SLCO5A1: variants seen among roughly 807,000 people sequenced by gnomAD.
SLCO5A1 encodes solute carrier organic anion transporter family member 5A1, also known as organic anion transporter polypeptide-related protein 4.
A neutral mutation model predicts 65.1 loss-of-function variants in SLCO5A1; 39 were observed. The ratio of observed to expected loss-of-function variants is 0.60; its 90% CI spans 0.46 to 0.78. The LOEUF (loss-of-function observed/expected upper bound fraction) is 0.78, where lower values mean the gene tolerates loss of function less well. SLCO5A1 is among the 30% of genes least tolerant of loss of function. The probability of loss-of-function intolerance (pLI) is 0.00; values close to 1 mark genes in which losing one functional copy is unlikely to be tolerated. For missense variants in SLCO5A1, 1,029 were observed against 1,069.4 expected, an observed-to-expected ratio of 0.96 and a Z score of 0.53; for synonymous variants, 438 against 415.7, an observed-to-expected ratio of 1.05 and a Z score of -0.65.
chr8:69,741,798 G>A (rs1238790310), intron 4 of SLCO5A1, among the ~76,000 whole-genome samples: 2 of 152,190 alleles, frequency 1.3e-5, no homozygotes, highest in South Asian at 2.1e-4. Flanking sequence ...AAAGTTAATG[G>A]ATATACAAAG....
intron 5 of SLCO5A1, among the ~76,000 whole-genome samples, chr8:69,710,662 T>G (rs2130815627): frequency 6.6e-6 from 1 of 152,312 alleles, no homozygotes; most frequent in South Asian, 2.1e-4. Context: ...TACTACAGCC[T>G]CAGGATAACA....
intron 6 of SLCO5A1, among the ~76,000 whole-genome samples, chr8:69,698,255 A>G (rs1276067868): frequency 6.6e-6 from 1 of 152,092 alleles, no homozygotes; most frequent in East Asian, 1.9e-4. Flanking sequence ...GTAGTCTCTT[A>G]TTGATGGCCA....
intron 2 of SLCO5A1, among the ~76,000 whole-genome samples, chr8:69,817,150 C>G (rs573669025): frequency 6.6e-6 from 1 of 152,030 alleles, no homozygotes; most frequent in African/African-American, 2.4e-5. Context: ...AAGAACAACC[C>G]CCTCCCAATT....
At chr8:69,778,653 T>C (rs1818673563) in intron 2 of SLCO5A1, among the ~76,000 whole-genome samples, 1 of 152,234 alleles carries the variant, frequency 6.6e-6, no homozygotes, top group Admixed American at 6.5e-5. Context: ...GTAGTAGCTT[T>C]ATATTATTCA....
At chr8:69,703,735 T>C (rs576083043) in intron 6 of SLCO5A1, among the ~76,000 whole-genome samples, 2 of 152,362 alleles carry the variant, frequency 1.3e-5, no homozygotes, top group Admixed American at 6.5e-5. Flanking sequence ...AAGATTCTAC[T>C]GCGAAATTCT....
chr8:69,751,386 A>G (rs557161369), intron 4 of SLCO5A1, among the ~76,000 whole-genome samples: 2 of 152,276 alleles, frequency 1.3e-5, no homozygotes, highest in Admixed American at 1.3e-4. Flanking sequence ...GTCTTAAATC[A>G]GTGTTATTCC....
At chr8:69,756,120 A>G (rs1817532294) in intron 3 of SLCO5A1, among the ~76,000 whole-genome samples, 1 of 152,188 alleles carries the variant, frequency 6.6e-6, no homozygotes, top group Non-Finnish European at 1.5e-5. Context: ...TTTTCTGCAA[A>G]CACTTAAGAA....
chr8:69,779,376 A>G (rs982003899), intron 2 of SLCO5A1, among the ~76,000 whole-genome samples: 1 of 152,222 alleles, frequency 6.6e-6, no homozygotes, highest in African/African-American at 2.4e-5. Context: ...AAATTATGCA[A>G]GGAAATCAGA....
chr8:69,820,932 A>G (rs965491763), intron 2 of SLCO5A1, among the ~76,000 whole-genome samples: 10 of 152,156 alleles, frequency 6.6e-5, no homozygotes, highest in Non-Finnish European at 1.3e-4. Context: ...GGCTGGGAGA[A>G]GCCAAGGGGT....
intron 2 of SLCO5A1, among the ~76,000 whole-genome samples, chr8:69,831,265 GA>G (rs58430287): frequency 0.87 from 122,623 of 140,606 alleles, 53,050 homozygotes; most frequent in East Asian, 0.98. Flanking sequence ...ATCTTAAAAA[GA>G]AAAAAAAAAA....
In SLCO5A1 at chr8:69,810,688, A is replaced by G. The variant is rs185630298; in HGVS notation, c.907+21079T>C. Among the ~76,000 whole-genome samples the G allele has an allele frequency of 6.6e-5, 10 of 152,342 alleles. No individual in the cohort carries two copies. In the East Asian group the frequency reaches 1.5e-3, roughly 23 times the overall value. On this transcript the variant is annotated intron_variant, in intron 2 of 9. Coordinates refer to ENST00000260126, the MANE Select transcript of SLCO5A1 (RefSeq NM_030958.3). ...CAAACTCTGAATGGAGCATCAATAGACAATAAACTCACTGCAGTTAGAGAA... is the reference window on the plus strand; with the variant it reads ...CAAACTCTGAATGGAGCATCAATAGGCAATAAACTCACTGCAGTTAGAGAA...
intron 4 of SLCO5A1, among the ~76,000 whole-genome samples, chr8:69,746,192 G>C (rs939075819): frequency 2.6e-5 from 4 of 152,010 alleles, no homozygotes; most frequent in African/African-American, 9.7e-5. Context: ...TCTTAGTCCT[G>C]TAGTGATTGT....
At chr8:69,831,637 C>T (rs1821156458) in intron 2 of SLCO5A1, 130 bp downstream of exon 2, 2 of 1,041,506 alleles carry the variant, frequency 1.9e-6, no homozygotes, top group Non-Finnish European at 1.4e-6. Context: ...AAGGCTAAAA[C>T]GTAAAATAAA....
At chr8:69,773,515 G>C (rs369981730) in intron 2 of SLCO5A1, among the ~76,000 whole-genome samples, 118 of 152,274 alleles carry the variant, frequency 7.7e-4, no homozygotes, top group African/African-American at 2.5e-3. Context: ...GCTGTCCAAG[G>C]CCTCTCTGTC....
At chr8:69,767,552 T>C (rs1818114393) in intron 2 of SLCO5A1, among the ~76,000 whole-genome samples, 1 of 152,172 alleles carries the variant, frequency 6.6e-6, no homozygotes, top group Admixed American at 6.5e-5. Flanking sequence ...AAGGAGTTAA[T>C]ACCTGTAAAG....
intron 2 of SLCO5A1, among the ~76,000 whole-genome samples, chr8:69,809,599 A>T (rs901080292): frequency 2.6e-5 from 4 of 152,150 alleles, no homozygotes; most frequent in Non-Finnish European, 4.4e-5. Flanking sequence ...TGACTCCCCA[A>T]GGCTACTTAC....
intron 4 of SLCO5A1, among the ~76,000 whole-genome samples, chr8:69,739,660 A>G (rs1816714725): frequency 6.6e-6 from 1 of 152,158 alleles, no homozygotes; most frequent in African/African-American, 2.4e-5. Context: ...TAAAATTTAA[A>G]CTAAATTTAA....
chr8:69,713,591 T>C (rs923951774), intron 5 of SLCO5A1: 1 of 152,240 alleles, frequency 6.6e-6, no homozygotes, highest in Non-Finnish European at 1.5e-5. Flanking sequence ...CATTTAATTC[T>C]CAAATGTTAC....
At chr8:69,724,296 C>T (rs2130829468) in intron 5 of SLCO5A1, among the ~76,000 whole-genome samples, 1 of 152,208 alleles carries the variant, frequency 6.6e-6, no homozygotes, top group Non-Finnish European at 1.5e-5. Context: ...ATAATAATAT[C>T]ACTGAACTAC....
Sources: gnomAD v4.1 joint callset for allele counts (sites outside exome capture counted in the v4.1 genomes callset) on GRCh38, gnomAD v4.1.1 for gene constraint, MANE v1.5 for transcripts, NCBI Gene and HGNC (gene_info 2026-07-23, HGNC 2026-07-21) for gene names.